Variants in WWOX observed in about 807,000 individuals in gnomAD.
WWOX encodes the protein WW domain containing oxidoreductase.
In WWOX, 69 loss-of-function variants were observed where a neutral mutation model predicts 46.2. The ratio of observed to expected loss-of-function variants is 1.49; its 90% CI spans 1.23 to 1.82. The LOEUF is 1.82. Ranked by LOEUF, WWOX falls within the 40% of genes most tolerant of loss-of-function variation. The pLI, the probability that WWOX is intolerant of heterozygous loss-of-function variation, is 0.00. For missense variants in WWOX, 919 were observed against 542.6 expected (o/e 1.69, Z -6.89); for synonymous variants, 359 against 202.6 (o/e 1.77, Z -6.56).
At chr16:79,091,973 G>C (rs541831677) in intron 8 of WWOX, among the ~76,000 whole-genome samples, 1 of 151,818 alleles carries the variant, frequency 6.6e-6, no homozygotes, top group Non-Finnish European at 1.5e-5. Flanking sequence ...TAGAGACGGA[G>C]TTTCACCATG....
rs80001422 is a variant in WWOX, at chr16:78,142,360, G to A, written c.410-21823G>A. Among the ~76,000 whole-genome samples, 1,281 of 152,282 alleles carry A rather than the reference G, an allele frequency of 8.4e-3. 15 individuals carry two copies. Among genetic ancestry groups the A allele is most frequent in the African/African-American group, 0.029 (1,212 of 41,554 alleles). ...CAAAACTGTGTAGCAGTGTGTTATA[G>A]CCACAGGAACTCCTCAGCCAAATGT... On this transcript the variant is annotated intron_variant, in intron 4 of 8. Transcript: ENST00000566780.
At chr16:78,885,053 C>T (rs1016085664) in intron 8 of WWOX, among the ~76,000 whole-genome samples, 2 of 152,194 alleles carry the variant, frequency 1.3e-5, no homozygotes, top group Non-Finnish European at 2.9e-5. Flanking sequence ...TCTTAACCAA[C>T]ATGGCACCCC....
intron 5 of WWOX, among the ~76,000 whole-genome samples, chr16:78,283,091 C>T (rs1011814969): frequency 2.6e-5 from 4 of 151,966 alleles, no homozygotes; most frequent in African/African-American, 9.7e-5. Flanking sequence ...CATAGCCTCT[C>T]AAGTGGGGCA....
At chr16:78,788,362 C>G (rs2050508318) in intron 8 of WWOX, among the ~76,000 whole-genome samples, 1 of 152,178 alleles carries the variant, frequency 6.6e-6, no homozygotes, top group African/African-American at 2.4e-5. Flanking sequence ...TCTTTGTCTC[C>G]TGTCCTTCTT....
At chr16:78,309,273 G>T (rs547218091) in intron 5 of WWOX, among the ~76,000 whole-genome samples, 2 of 152,168 alleles carry the variant, frequency 1.3e-5, no homozygotes, top group African/African-American at 4.8e-5. Flanking sequence ...TAGTTTCTCT[G>T]CGTTCATTCT....
At chr16:78,672,009 C>A (rs1261457349) in intron 8 of WWOX, among the ~76,000 whole-genome samples, 1 of 152,124 alleles carries the variant, frequency 6.6e-6, no homozygotes, top group African/African-American at 2.4e-5. Context: ...GGAACATCAT[C>A]TGCTTTTGGG....
intron 5 of WWOX, among the ~76,000 whole-genome samples, chr16:78,382,735 C>A (rs183155589): frequency 4.4e-4 from 67 of 152,182 alleles, no homozygotes; most frequent in African/African-American, 1.6e-3. Context: ...TGGAACAGTT[C>A]TATGTCTTGA....
In WWOX at chr16:79,074,409, C is replaced by CTTTTTTTT. The variant is rs60074156; in HGVS notation, c.1057-137173_1057-137166dup. Among the ~76,000 whole-genome samples, 265 of 30,946 alleles carry CTTTTTTTT rather than the reference C, an allele frequency of 8.6e-3. 18 individuals carry two copies. The highest frequency in any genetic ancestry group is 0.012 in the East Asian group (9 of 726). 20.3% of individuals were successfully genotyped at this position (30,946 alleles called of 152,430 possible). A position where few individuals can be genotyped will look rare whatever the true frequency, so the allele number is the denominator to read the frequency against. ...CATCCTGACTGAAATGTCACTAGTCCTTTTTTTTTTTTTTTTTTTTTTTTT... is the reference window on the plus strand; with the variant it reads ...CATCCTGACTGAAATGTCACTAGTCCTTTTTTTTTTTTTTTTTTTTTTTTTTTTTTTTT... On this transcript the variant is annotated intron_variant, in intron 8 of 8. Coordinates refer to ENST00000566780, the MANE Select transcript of WWOX (RefSeq NM_016373.4).
chr16:79,154,405 C>T (rs1223716083), intron 8 of WWOX, among the ~76,000 whole-genome samples: 2 of 152,132 alleles, frequency 1.3e-5, no homozygotes, highest in East Asian at 1.9e-4. Flanking sequence ...TCACTCTCAT[C>T]CATTTTCAAT....
chr16:78,576,789 C>T (rs1386261548), intron 8 of WWOX, among the ~76,000 whole-genome samples: 1 of 152,168 alleles, frequency 6.6e-6, no homozygotes, highest in Admixed American at 6.5e-5. Flanking sequence ...TATGATTGTG[C>T]CACTGCACTT....
intron 8 of WWOX, among the ~76,000 whole-genome samples, chr16:78,641,888 C>G (rs566572160): frequency 1.3e-5 from 2 of 152,162 alleles, no homozygotes; most frequent in Admixed American, 1.3e-4. Context: ...TATTTCTGTG[C>G]ACAGGCAGTA....
At chr16:78,604,961 T>TCC (rs1394505883) in intron 8 of WWOX, among the ~76,000 whole-genome samples, 6 of 42,632 alleles carry the variant, frequency 1.4e-4, no homozygotes, top group Non-Finnish European at 2.8e-4. Flanking sequence ...CCTTCCTTTC[T>TCC]TTCCTTCCTT....
At chr16:78,992,106 T>C (rs1244705440) in intron 8 of WWOX, among the ~76,000 whole-genome samples, 1 of 152,142 alleles carries the variant, frequency 6.6e-6, no homozygotes, top group African/African-American at 2.4e-5. Context: ...TGCTAGTTAC[T>C]AAAGATGTAG....
intron 8 of WWOX, among the ~76,000 whole-genome samples, chr16:78,562,622 G>T (rs918014549): frequency 2.6e-5 from 4 of 152,196 alleles, no homozygotes; most frequent in African/African-American, 9.6e-5. Flanking sequence ...GGAGAGGCCT[G>T]TTTCCATACA....
intron 8 of WWOX, among the ~76,000 whole-genome samples, chr16:79,077,057 A>T (rs979389714): frequency 6.6e-6 from 1 of 152,078 alleles, no homozygotes; most frequent in African/African-American, 2.4e-5. Context: ...CTAAGGTTCC[A>T]CGTAATAATT....
intron 8 of WWOX, among the ~76,000 whole-genome samples, chr16:78,553,576 A>C (rs2044222687): frequency 6.6e-6 from 1 of 152,146 alleles, no homozygotes; most frequent in Admixed American, 6.5e-5. Flanking sequence ...GAGCCCTGTA[A>C]AGAAAGCCTA....
At chr16:78,434,822 C>T (rs1187983092) in intron 8 of WWOX, among the ~76,000 whole-genome samples, 3 of 152,040 alleles carry the variant, frequency 2.0e-5, no homozygotes, top group Non-Finnish European at 4.4e-5. Context: ...GATGAGGAGT[C>T]ATTGATAGAA....
chr16:78,386,893 C>T lies in WWOX; in HGVS notation c.550C>T (p.Leu184Phe), dbSNP rs753965511. 40 of 1,614,094 alleles carry T rather than the reference C, an allele frequency of 2.5e-5. No individual in the cohort carries two copies. In the South Asian group the frequency reaches 3.2e-4, roughly 13 times the overall value. Residue 184 changes from leucine (L) to phenylalanine (F), a missense_variant, in exon 6 of 9, where the codon CTC (leucine) becomes TTC (phenylalanine). By Grantham distance (22) the Leu-to-Phe change is conservative. Transcript: ENST00000566780. ...KAKVEAMTLD[L>F]ALLRSVQHFA... ...CAAGGTAGAAGCAATGACCCTGGAC[C>T]TCGCTCTGCTCCGTAGCGTGCAGCA...
intron 8 of WWOX, among the ~76,000 whole-genome samples, chr16:78,691,691 G>C (rs776420179): frequency 1.3e-5 from 2 of 152,154 alleles, no homozygotes; most frequent in African/African-American, 2.4e-5. Flanking sequence ...CTGGGCAACA[G>C]GACAAGACCG....
Sources: gnomAD v4.1 joint callset for allele counts (sites outside exome capture counted in the v4.1 genomes callset) on GRCh38, gnomAD v4.1.1 for gene constraint, MANE v1.5 for transcripts, NCBI Gene and HGNC (gene_info 2026-07-23, HGNC 2026-07-21) for gene names.